The following ROBO2 variants were observed in gnomAD, a reference collection of about 807,000 sequenced individuals.
ROBO2 encodes roundabout homolog 2.
A neutral mutation model predicts 160.8 loss-of-function variants in ROBO2; 53 were observed. The ratio of observed to expected loss-of-function variants is 0.33; its 90% CI spans 0.26 to 0.41. The LOEUF is 0.41. Ranked by LOEUF, ROBO2 falls within the 10% of genes least tolerant of loss-of-function variation. The pLI is 1.00. For missense variants in ROBO2, 1,577 were observed against 1,722.4 expected (o/e 0.92, Z 1.49); for synonymous variants, 664 against 611.7 (o/e 1.09, Z -1.26).
chr3:76,479,422 T>C (rs932069291), intron 2 of ROBO2, among the ~76,000 whole-genome samples: 2 of 152,152 alleles, frequency 1.3e-5, no homozygotes, highest in African/African-American at 4.8e-5. Flanking sequence ...GCCTTTCCTA[T>C]CTTGTTTTAT....
intron 2 of ROBO2, among the ~76,000 whole-genome samples, chr3:76,452,930 G>C (rs983631612): frequency 6.6e-6 from 1 of 152,128 alleles, no homozygotes; most frequent in Non-Finnish European, 1.5e-5. Context: ...GGCCAGTGAT[G>C]GTGAGCATTT....
intron 2 of ROBO2, among the ~76,000 whole-genome samples, chr3:77,106,380 G>T (rs762782057): frequency 3.3e-5 from 5 of 151,940 alleles, no homozygotes; most frequent in Non-Finnish European, 7.4e-5. Context: ...ATTTCAGCTG[G>T]TGTGTAGATG....
intron 2 of ROBO2, among the ~76,000 whole-genome samples, chr3:76,077,635 A>G (rs890205947): frequency 4.6e-5 from 7 of 152,130 alleles, no homozygotes; most frequent in Non-Finnish European, 7.4e-5. Flanking sequence ...TCTTGACTTG[A>G]GCAACATTTT....
intron 2 of ROBO2, among the ~76,000 whole-genome samples, chr3:77,352,245 T>A (rs1430795525): frequency 1.3e-3 from 170 of 131,686 alleles, no homozygotes; most frequent in African/African-American, 2.0e-3. Context: ...GAAAAAAAAA[T>A]AAAAATAAAA....
At chr3:76,406,475 T>C (rs1361932721) in intron 2 of ROBO2, among the ~76,000 whole-genome samples, 2 of 151,772 alleles carry the variant, frequency 1.3e-5, no homozygotes, top group African/African-American at 2.4e-5. Flanking sequence ...CCATTTTTTT[T>C]CCCTTAAGAA....
At chr3:76,877,075 AT>A (rs753579153) in intron 2 of ROBO2, among the ~76,000 whole-genome samples, 21 of 152,316 alleles carry the variant, frequency 1.4e-4, no homozygotes, top group Non-Finnish European at 1.2e-4. Flanking sequence ...AAGAAAAAAA[AT>A]ATTTTCCAAG....
Position 77,219,911 on chromosome 3 carries a change from T to C in ROBO2, c.388+121571T>C, listed in dbSNP as rs578045446. On this transcript the variant is annotated intron_variant, in intron 2 of 25. Coordinates refer to ENST00000461745, the Ensembl canonical transcript of ROBO2. ...ATTTCTTTAAGACAAAGTTCTTTAG[T>C]AATATGGAAACAATGACATATCCAA... 2.0e-5 allele frequency among the ~76,000 whole-genome samples: 3 copies of C among 151,714 alleles called. No homozygotes were observed. In the South Asian group the frequency reaches 6.2e-4, roughly 32 times the overall value.
At chr3:77,189,405 C>T (rs1406184588) in intron 2 of ROBO2, among the ~76,000 whole-genome samples, 1 of 151,870 alleles carries the variant, frequency 6.6e-6, no homozygotes, top group Non-Finnish European at 1.5e-5. Flanking sequence ...ATATTTACCT[C>T]ATATGTCATG....
At chr3:77,230,181 A>G (rs979080389) in intron 2 of ROBO2, among the ~76,000 whole-genome samples, 6 of 151,836 alleles carry the variant, frequency 4.0e-5, no homozygotes, top group Non-Finnish European at 8.8e-5. Context: ...TGGATCTCCT[A>G]TACTCAAGGG....
At chr3:76,620,081 A>G (rs754546194) in intron 2 of ROBO2, among the ~76,000 whole-genome samples, 12 of 152,206 alleles carry the variant, frequency 7.9e-5, no homozygotes, top group Non-Finnish European at 5.9e-5. Flanking sequence ...AATGATGCTC[A>G]GTGAACTTAT....
At chr3:77,428,546 C>T (rs1415109715) in intron 2 of ROBO2, among the ~76,000 whole-genome samples, 5 of 150,550 alleles carry the variant, frequency 3.3e-5, no homozygotes, top group Non-Finnish European at 5.9e-5. Flanking sequence ...TTAGTAGAGA[C>T]GGGGTTTCAC....
chr3:76,925,224 A>ATAAAT lies in ROBO2; in HGVS notation c.110-172790_110-172789insTAAAT, dbSNP rs1274216655. On this transcript the variant is annotated intron_variant, in intron 2 of 26. Transcript: ENST00000487694. ...AGACTCCGTCTCAAAAAAAAAAAAAAAAAAAAATCTGGTTTGCTTTTCTAA... is the reference window on the plus strand; with the variant it reads ...AGACTCCGTCTCAAAAAAAAAAAAAATAAATAAAAAAATCTGGTTTGCTTTTCTAA... Among the ~76,000 whole-genome samples the ATAAAT allele has an allele frequency of 8.5e-3, 862 of 101,928 alleles. 17 individuals are homozygous for ATAAAT. Among genetic ancestry groups the ATAAAT allele is most frequent in the African/African-American group, 0.031 (815 of 26,174 alleles). The allele number at this position is 101,928 out of a possible 152,430, so 66.9% of individuals were successfully genotyped here. A position where few individuals can be genotyped will look rare whatever the true frequency, so the allele number is the denominator to read the frequency against.
chr3:76,367,879 A>G (rs1379239290), intron 2 of ROBO2, among the ~76,000 whole-genome samples: 1 of 151,764 alleles, frequency 6.6e-6, no homozygotes. Flanking sequence ...CAACAAGGAA[A>G]TATTTATCAA....
intron 2 of ROBO2, among the ~76,000 whole-genome samples, chr3:76,072,695 C>T (rs1238149228): frequency 2.0e-5 from 3 of 152,052 alleles, no homozygotes; most frequent in Admixed American, 6.6e-5. Context: ...CAATTTAATA[C>T]AACCATATTT....
At chr3:76,820,184 TA>T (rs1406278596) in intron 2 of ROBO2, among the ~76,000 whole-genome samples, 3 of 152,174 alleles carry the variant, frequency 2.0e-5, no homozygotes, top group Non-Finnish European at 2.9e-5. Context: ...CAAGTACAAT[TA>T]TATTCTGTTT....
At chr3:76,996,299 C>G (rs1012743452) in intron 2 of ROBO2, among the ~76,000 whole-genome samples, 3 of 152,096 alleles carry the variant, frequency 2.0e-5, no homozygotes, top group African/African-American at 7.2e-5. Context: ...CTGTTCTGTC[C>G]CATTGGTCTA....
At chr3:77,011,054 C>CTTCTTTTTTCTTTCT in intron 2 of ROBO2, among the ~76,000 whole-genome samples, 2 of 106,816 alleles carry the variant, frequency 1.9e-5, no homozygotes, top group East Asian at 5.4e-4. Context: ...TTCTTTCTTT[C>CTTCTTTTTTCTTTCT]TTCTTTCTTT....
Position 76,765,782 on chromosome 3 carries a change from T to C in ROBO2, c.110-332232T>C, listed in dbSNP as rs149413393. 6.0e-3 allele frequency among the ~76,000 whole-genome samples: 912 copies of C among 151,786 alleles called. 11 individuals carry two copies. The highest frequency in any genetic ancestry group is 0.02 in the African/African-American group (826 of 41,484). On this transcript the variant is annotated intron_variant, in intron 2 of 26. Coordinates refer to the ROBO2 transcript ENST00000487694. ...ATCAGCTGACGTCTGATTACTAGTG[T>C]GTGAGACACTCCAGGTGCAAACTAT...
Position 76,834,062 on chromosome 3 carries a change from T to TTTTCTTTTC in ROBO2, c.110-263945_110-263944insTCTTTCTTT, listed in dbSNP as rs1553651247. ...TTCCTTTCTTTCTCTCCTTTCTTTC[T>TTTTCTTTTC]TTTCTTTCTTTCTTTCTTTCTTTCT... On this transcript the variant is annotated intron_variant, in intron 2 of 26. Transcript: ENST00000487694. Among the ~76,000 whole-genome samples the TTTTCTTTTC allele has an allele frequency of 2.6e-4, 23 of 88,086 alleles. 3 individuals are homozygous for TTTTCTTTTC. Among genetic ancestry groups the TTTTCTTTTC allele is most frequent in the East Asian group, 2.6e-3 (7 of 2,694 alleles). 57.8% of individuals were successfully genotyped at this position (88,086 alleles called of 152,430 possible).
Sources: gnomAD v4.1 joint callset for allele counts (sites outside exome capture counted in the v4.1 genomes callset) on GRCh38, gnomAD v4.1.1 for gene constraint, MANE v1.5 for transcripts, NCBI Gene and HGNC (gene_info 2026-07-23, HGNC 2026-07-21) for gene names.